Variants in SEC22B observed in about 807,000 individuals in gnomAD.
SEC22B encodes the protein vesicle-trafficking protein SEC22b.
SEC22B carries 10 observed loss-of-function variants against 31.4 expected under a neutral mutation model. That is an observed-to-expected ratio of 0.32 (90% CI 0.20 to 0.54). SEC22B has a LOEUF of 0.54. Among genes scored for constraint, SEC22B ranks in the 20% least tolerant of loss-of-function variants. SEC22B has a pLI of 0.94. For synonymous variants in SEC22B, 60 were observed against 95.9 expected (o/e 0.63, Z 2.19); for missense variants, 130 against 263.4 (o/e 0.49, Z 3.50).
At chr1:120,171,959 G>A (rs1227108656) in intron 1 of SEC22B, among the ~76,000 whole-genome samples, 1 of 150,844 alleles carries the variant, frequency 6.6e-6, no homozygotes, top group Non-Finnish European at 1.5e-5. Context: ...AAGGCAAGAT[G>A]AGGCTGGGTA....
intron 1 of SEC22B, among the ~76,000 whole-genome samples, chr1:120,175,268 C>T (rs1252265979): frequency 3.7e-5 from 2 of 53,576 alleles, no homozygotes; most frequent in African/African-American, 1.8e-4. Context: ...AAGGTAGAGA[C>T]TGTGTACTCT....
chr1:120,175,511 C>T (rs1372918316), intron 1 of SEC22B, among the ~76,000 whole-genome samples: 1 of 151,616 alleles, frequency 6.6e-6, no homozygotes, highest in Non-Finnish European at 1.5e-5. Flanking sequence ...CAGAACCTCC[C>T]AAGCTTGCTC....
In SEC22B at chr1:120,153,295, T is replaced by A. The variant is rs1456262775; in HGVS notation, c.*3743A>T. 250 of 149,722 alleles carry A rather than the reference T, an allele frequency of 1.7e-3. No homozygotes were observed. Among genetic ancestry groups the A allele is most frequent in the African/African-American group, 6.0e-3 (236 of 39,562 alleles). 9.3% of individuals were successfully genotyped at this position (149,722 alleles called of 1,614,324 possible). A position where few individuals can be genotyped will look rare whatever the true frequency, so the allele number is the denominator to read the frequency against. On this transcript the variant is annotated 3_prime_UTR_variant, in exon 5 of 5. Coordinates refer to ENST00000578049, the MANE Select transcript of SEC22B (RefSeq NM_004892.6). ...AAAAGAAAAACCCACCAGGTAGGAG[T>A]CAGTTAGTTCTGCTAACTAACTAAC...
At chr1:120,166,013 C>T (rs1479859595) in intron 2 of SEC22B, among the ~76,000 whole-genome samples, 4 of 150,626 alleles carry the variant, frequency 2.7e-5, no homozygotes, top group South Asian at 2.1e-4. Context: ...AAAAGACATG[C>T]GAATGGCCAA....
rs1285816304 is a variant in SEC22B at position 120,151,085 on chromosome 1, A to G, written c.*5953T>C. 1 of 152,346 alleles carries G rather than the reference A, an allele frequency of 6.6e-6. No individual in the cohort carries two copies. The highest frequency in any genetic ancestry group is 1.5e-5 in the Non-Finnish European group (1 of 68,034). 9.4% of individuals were successfully genotyped at this position (152,346 alleles called of 1,614,324 possible). On this transcript the variant is annotated 3_prime_UTR_variant, in exon 5 of 5. Coordinates refer to ENST00000578049, the MANE Select transcript of SEC22B (RefSeq NM_004892.6). ...CTATTACATTGGCAATTGAACTACA[A>G]CATGAGTTTTGGAGGGGCCAAACAA...
intron 1 of SEC22B, 148 bp downstream of exon 1, chr1:120,176,159 C>T: frequency 3.0e-6 from 2 of 671,046 alleles, no homozygotes; most frequent in East Asian, 5.5e-5. Context: ...GTAGTCTCTC[C>T]TACACCAAAA....
chr1:120,175,577 T>C (rs1657944598), intron 1 of SEC22B, among the ~76,000 whole-genome samples: 1 of 152,208 alleles, frequency 6.6e-6, no homozygotes, highest in Non-Finnish European at 1.5e-5. Flanking sequence ...ACAAAACATC[T>C]TTCTTTTAAG....
intron 1 of SEC22B, among the ~76,000 whole-genome samples, chr1:120,170,625 T>C (rs1184833896): frequency 9.9e-5 from 15 of 150,992 alleles, no homozygotes; most frequent in Non-Finnish European, 1.8e-4. Context: ...CAATTATTTG[T>C]TTTATTGACA....
chr1:120,157,368 CT>C (rs1433782564), intron 4 of SEC22B, 176 bp from the exon 5 acceptor site: 1 of 448,560 alleles, frequency 2.2e-6, no homozygotes, highest in Non-Finnish European at 3.7e-6. Flanking sequence ...CAGATGATGT[CT>C]GAATTTTTGA....
rs1657533531 is a variant in SEC22B at position 120,151,391 on chromosome 1, A to AC, written c.*5646_*5647insG. ...TAGTATGATTAGCACACACACACAC[A>AC]AAAATTATTGGCCGGGCGCAGTGGC... On this transcript the variant is annotated 3_prime_UTR_variant, in exon 5 of 5. Transcript: ENST00000578049. 5 of 152,328 alleles carry AC rather than the reference A, an allele frequency of 3.3e-5. No individual in the cohort carries two copies. Among genetic ancestry groups the AC allele is most frequent in the African/African-American group, 9.7e-5 (4 of 41,436 alleles). 9.4% of individuals were successfully genotyped at this position (152,328 alleles called of 1,614,324 possible).
At chr1:120,169,523 T>G (rs1657862870) in intron 1 of SEC22B, among the ~76,000 whole-genome samples, 1 of 152,264 alleles carries the variant, frequency 6.6e-6, no homozygotes, top group Non-Finnish European at 1.5e-5. Flanking sequence ...AGAAATCTAT[T>G]TGGTTCCCAA....
rs1165170354 is a variant in SEC22B, at chr1:120,156,837, CGAAA to C, written c.*197_*200del. 2.6e-6 allele frequency: 1 copy of C among 381,556 alleles called. No individual in the cohort carries two copies. The highest frequency in any genetic ancestry group is 2.1e-5 in the African/African-American group (1 of 48,228). The allele number at this position is 381,556 out of a possible 1,614,324, so 23.6% of individuals were successfully genotyped here. On this transcript the variant is annotated 3_prime_UTR_variant, in exon 5 of 5. Coordinates refer to ENST00000578049, the MANE Select transcript of SEC22B (RefSeq NM_004892.6). ...GGCACCCAGAGAAAGCCTCTGCCCC[CGAAA>C]GAGACTTTCTACATAGGGTTAAGCT...
In SEC22B at chr1:120,168,567, A is replaced by G. The variant is rs1377053189; in HGVS notation, c.185+273T>C. 3.3e-5 allele frequency among the ~76,000 whole-genome samples: 5 copies of G among 151,382 alleles called. No homozygotes were observed. In the South Asian group the frequency reaches 6.2e-4, roughly 19 times the overall value. The stretch of plus-strand genomic sequence containing the variant: ...TTTGAGCAAGGGTACTAACCTACAC[A>G]TATCTGGCTCCAAGACAGTCCTAAA... On this transcript the variant is annotated intron_variant, in intron 2 of 4. Coordinates refer to ENST00000578049, the MANE Select transcript of SEC22B (RefSeq NM_004892.6).
rs1265390621 is a variant in SEC22B, at chr1:120,151,138, G to A, written c.*5900C>T. ...TGCAAACCATAGCAGCAGGTTTAAA[G>A]GTAAAAGGATGGGAGAAAAGTACAC... On this transcript the variant is annotated 3_prime_UTR_variant, in exon 5 of 5. Transcript: ENST00000578049. 1 of 152,166 alleles carries A rather than the reference G, an allele frequency of 6.6e-6. No individual in the cohort carries two copies. The highest frequency in any genetic ancestry group is 1.5e-5 in the Non-Finnish European group (1 of 68,038). The allele number at this position is 152,166 out of a possible 1,614,324, so 9.4% of individuals were successfully genotyped here. A position where few individuals can be genotyped will look rare whatever the true frequency, so the allele number is the denominator to read the frequency against.
rs1657567879 is a variant in SEC22B at position 120,152,901 on chromosome 1, T to C, written c.*4137A>G. 1 of 148,340 alleles carries C rather than the reference T, an allele frequency of 6.7e-6. No individual in the cohort carries two copies. The highest frequency in any genetic ancestry group is 1.5e-5 in the Non-Finnish European group (1 of 67,798). The allele number at this position is 148,340 out of a possible 1,614,324, so 9.2% of individuals were successfully genotyped here. Reference sequence around the variant, plus strand: ...CTTTAACTTGCTAGCTATGTGACCTTGGGCAAGCAAAGAAACTCCTCATAA... The same window carrying C: ...CTTTAACTTGCTAGCTATGTGACCTCGGGCAAGCAAAGAAACTCCTCATAA... On this transcript the variant is annotated 3_prime_UTR_variant, in exon 5 of 5. Coordinates refer to ENST00000578049, the MANE Select transcript of SEC22B (RefSeq NM_004892.6).
At chr1:120,160,814 G>A (rs1377022368) in intron 3 of SEC22B, among the ~76,000 whole-genome samples, 3 of 151,232 alleles carry the variant, frequency 2.0e-5, no homozygotes, top group Non-Finnish European at 4.4e-5. Context: ...ACTTGAACTT[G>A]GGAGGCAGAG....
In SEC22B at chr1:120,155,725, T is replaced by C. The variant is rs1228544440; in HGVS notation, c.*1313A>G. ...GTATGTACAGGAATTTTAAGTTATATTGCAGACCCTGGCAATAATATTTAA... is the reference window on the plus strand; with the variant it reads ...GTATGTACAGGAATTTTAAGTTATACTGCAGACCCTGGCAATAATATTTAA... On this transcript the variant is annotated 3_prime_UTR_variant, in exon 5 of 5. Transcript: ENST00000578049. The C allele has an allele frequency of 6.6e-6, 1 of 151,970 alleles. No homozygotes were observed. 9.4% of individuals were successfully genotyped at this position (151,970 alleles called of 1,614,324 possible). A position where few individuals can be genotyped will look rare whatever the true frequency, so the allele number is the denominator to read the frequency against.
chr1:120,157,555 G>A (rs1201819975), intron 4 of SEC22B: 1 of 157,440 alleles, frequency 6.4e-6, no homozygotes, highest in Non-Finnish European at 1.4e-5. Flanking sequence ...GTATGTACAT[G>A]AGATTGCCTG....
chr1:120,152,403 C>G lies in SEC22B; in HGVS notation c.*4635G>C, dbSNP rs1401134802. On this transcript the variant is annotated 3_prime_UTR_variant, in exon 5 of 5. Coordinates refer to ENST00000578049, the MANE Select transcript of SEC22B (RefSeq NM_004892.6). Reference sequence around the variant, plus strand: ...TGTACCAGTACATTAACTCATATGTCAAAACAACATCTAGAGAAACAAAAA... The same window carrying G: ...TGTACCAGTACATTAACTCATATGTGAAAACAACATCTAGAGAAACAAAAA... The G allele has an allele frequency of 1.4e-5, 2 of 147,224 alleles. No homozygotes were observed. The highest frequency in any genetic ancestry group is 3.0e-5 in the Non-Finnish European group (2 of 67,124). 9.1% of individuals were successfully genotyped at this position (147,224 alleles called of 1,614,324 possible).
Sources: gnomAD v4.1 joint callset for allele counts (sites outside exome capture counted in the v4.1 genomes callset) on GRCh38, gnomAD v4.1.1 for gene constraint, MANE v1.5 for transcripts, NCBI Gene and HGNC (gene_info 2026-07-23, HGNC 2026-07-21) for gene names.